The following SRPK2 variants were observed in gnomAD, a reference collection of about 807,000 sequenced individuals.
SRPK2 encodes SRSF protein kinase 2, also known as SFRS protein kinase 2.
A neutral mutation model predicts 90.8 loss-of-function variants in SRPK2; 21 were observed. That is an observed-to-expected ratio of 0.23 (90% CI 0.16 to 0.33). The LOEUF is 0.33. Ranked by LOEUF, SRPK2 falls within the 10% of genes least tolerant of loss-of-function variation. The pLI, the probability that SRPK2 is intolerant of heterozygous loss-of-function variation, is 1.00. For missense variants in SRPK2, 620 were observed against 869.0 expected, an observed-to-expected ratio of 0.71 and a Z score of 3.60; for synonymous variants, 288 against 311.1, an observed-to-expected ratio of 0.93 and a Z score of 0.78.
chr7:105,181,093 T>A (rs926806174), intron 3 of SRPK2, among the ~76,000 whole-genome samples: 1 of 152,070 alleles, frequency 6.6e-6, no homozygotes, highest in African/African-American at 2.4e-5. Flanking sequence ...AAGACGTACA[T>A]GCGGCCAATA....
At chr7:105,389,019 T>C (rs1586031134), upstream of SRPK2, 17 of 910,160 alleles carry the variant, frequency 1.9e-5, no homozygotes, top group African/African-American at 2.7e-5. Flanking sequence ...GCCCCGGGGG[T>C]CGGGACCCCA....
At chr7:105,166,890 T>A (rs1276196459) in intron 6 of SRPK2, among the ~76,000 whole-genome samples, 1 of 152,204 alleles carries the variant, frequency 6.6e-6, no homozygotes, top group Non-Finnish European at 1.5e-5. Context: ...CAATTATTAG[T>A]ACTATTCAGA....
intron 2 of SRPK2, among the ~76,000 whole-genome samples, chr7:105,252,472 T>C (rs1396959564): frequency 6.6e-6 from 1 of 152,118 alleles, no homozygotes; most frequent in African/African-American, 2.4e-5. Context: ...AAAGAAAAAG[T>C]TGAGTGGTTT....
intron 2 of SRPK2, among the ~76,000 whole-genome samples, chr7:105,327,183 A>G (rs1260599067): frequency 6.6e-6 from 1 of 152,182 alleles, no homozygotes; most frequent in Non-Finnish European, 1.5e-5. Flanking sequence ...TTGTTAGAAC[A>G]TATGGACCTA....
At chr7:105,230,236 G>A (rs1050247826) in intron 2 of SRPK2, among the ~76,000 whole-genome samples, 30 of 152,220 alleles carry the variant, frequency 2.0e-4, no homozygotes, top group Non-Finnish European at 3.4e-4. Context: ...GGAAGGTGTG[G>A]AAGACTTTGA....
upstream of SRPK2, among the ~76,000 whole-genome samples, chr7:105,389,631 A>G (rs1822089989): frequency 6.6e-6 from 1 of 152,220 alleles, no homozygotes; most frequent in African/African-American, 2.4e-5. Context: ...CACACCAAGT[A>G]GTTATTTTCT....
rs1285317651 is a variant in SRPK2, at chr7:105,142,402, G to A, written c.1149C>T (p.Asn383=). The part of the protein sequence containing the change: ...DEDDVDQELA[N]IDPTWIESPK... ...GTGATTCTATCCACGTAGGGTCTAT[G>A]TTCGCAAGTTCCTGATCTACATCAT... The change falls in exon 11 of 16, where the codon AAC becomes AAT. Residue 383 remains asparagine, a synonymous_variant. Coordinates refer to ENST00000393651, the MANE Select transcript of SRPK2 (RefSeq NM_182692.3). 1 of 1,614,070 alleles carries A rather than the reference G, an allele frequency of 6.2e-7. No homozygotes were observed. The highest frequency in any genetic ancestry group is 8.5e-7 in the Non-Finnish European group (1 of 1,180,000).
intron 2 of SRPK2, chr7:105,204,589 G>A (rs969914657): frequency 3.8e-5 from 20 of 519,754 alleles, no homozygotes; most frequent in African/African-American, 2.1e-4. Context: ...CACTGAATGC[G>A]TGCGCTGAAG....
At chr7:105,167,561 A>G in intron 5 of SRPK2, 97 bp from the exon 6 acceptor site, 1 of 617,600 alleles carries the variant, frequency 1.6e-6, no homozygotes. Context: ...AGTATATTTT[A>G]AAATAAAAAA....
intron 2 of SRPK2, among the ~76,000 whole-genome samples, chr7:105,315,362 C>T (rs1812197576): frequency 6.6e-6 from 1 of 152,070 alleles, no homozygotes. Context: ...AGATGCTGGG[C>T]AATTCATTTA....
intron 2 of SRPK2, among the ~76,000 whole-genome samples, chr7:105,246,988 G>A (rs1801752637): frequency 6.6e-6 from 1 of 152,154 alleles, no homozygotes; most frequent in Non-Finnish European, 1.5e-5. Flanking sequence ...AGTAAATGCT[G>A]GGTCCTAGTT....
intron 2 of SRPK2, chr7:105,245,024 A>C: frequency 1.6e-6 from 1 of 638,770 alleles, no homozygotes; most frequent in Non-Finnish European, 2.8e-6. Context: ...AGGAAAAACA[A>C]AACAAAACAA....
upstream of SRPK2, among the ~76,000 whole-genome samples, chr7:105,393,459 C>CTTTTT (rs58162170): frequency 1.2e-5 from 1 of 81,212 alleles, no homozygotes; most frequent in Non-Finnish European, 2.5e-5. Context: ...TCTGGTTTTT[C>CTTTTT]TTTTTTTTTT....
At position 105,157,110 on chromosome 7, in the gene SRPK2, A is replaced by G. The variant is rs73404094; in HGVS notation, c.621+3397T>C. On this transcript the variant is annotated intron_variant, in intron 7 of 15. Transcript: ENST00000393651. ...GGGCTGTATGCACAGAGAGCCAAGA[A>G]AAGCCTGTGAAAAGGTACTAGCTGG... Among the ~76,000 whole-genome samples the G allele has an allele frequency of 6.3e-3, 960 of 152,318 alleles. 17 individuals are homozygous for G. The highest frequency in any genetic ancestry group is 0.062 in the East Asian group (323 of 5,180).
At position 105,117,561 on chromosome 7, in the gene SRPK2, T is replaced by C; in HGVS notation, c.*277A>G. The C allele has an allele frequency of 2.6e-6, 1 of 383,582 alleles. No individual in the cohort carries two copies. The highest frequency in any genetic ancestry group is 4.6e-6 in the Non-Finnish European group (1 of 215,592). 23.8% of individuals were successfully genotyped at this position (383,582 alleles called of 1,614,324 possible). ...ATTTTTCATTCAAAAAAATGACATT[T>C]GAATGTCACACAACACAAGAAACAA... On this transcript the variant is annotated 3_prime_UTR_variant, in exon 16 of 16. Transcript: ENST00000393651.
chr7:105,362,037 G>A (rs35391823), intron 2 of SRPK2, among the ~76,000 whole-genome samples: 2,373 of 152,016 alleles, frequency 0.016, 62 homozygotes, highest in African/African-American at 0.052. Context: ...GAGTGAACAC[G>A]CACTACAGAA....
intron 2 of SRPK2, among the ~76,000 whole-genome samples, chr7:105,231,823 C>A (rs1262790489): frequency 1.3e-5 from 2 of 152,176 alleles, no homozygotes; most frequent in Non-Finnish European, 2.9e-5. Flanking sequence ...TGGTCAGATA[C>A]ATCATTTGCA....
intron 3 of SRPK2, among the ~76,000 whole-genome samples, chr7:105,181,066 A>C (rs780229551): frequency 4.3e-4 from 66 of 152,154 alleles, no homozygotes; most frequent in Non-Finnish European, 4.4e-4. Context: ...AAGGACATGA[A>C]TAGACATTTT....
chr7:105,127,074 C>G lies in SRPK2; in HGVS notation c.1753-12G>C, dbSNP rs1480560244. The G allele has an allele frequency of 6.2e-7, 1 of 1,614,072 alleles. No individual in the cohort carries two copies. The highest frequency in any genetic ancestry group is 1.1e-5 in the South Asian group (1 of 91,078). On this transcript the variant is annotated splice_polypyrimidine_tract_variant and intron_variant, in intron 13 of 15. Transcript: ENST00000393651. ...GCCAGCTCAAATGCCTAGGATACAA[C>G]AGACGACATGCTAAGCACTTCAGAG...
Sources: allele counts gnomAD v4.1 joint callset (sites outside exome capture counted in the v4.1 genomes callset), GRCh38; gene constraint gnomAD v4.1.1; transcripts MANE v1.5; gene names NCBI Gene and HGNC (gene_info 2026-07-23, HGNC 2026-07-21).